ZNF790: variants seen among roughly 807,000 people sequenced by gnomAD.
ZNF790 encodes the protein zinc finger protein 790.
In ZNF790, 8 loss-of-function variants were observed where a neutral mutation model predicts 12.1. That is an observed-to-expected ratio of 0.66 (90% CI 0.39 to 1.19). ZNF790 has a LOEUF of 1.19. Among genes scored for constraint, ZNF790 ranks in the 50% most tolerant of loss-of-function variants. The probability of loss-of-function intolerance (pLI) is 0.01; values close to 1 mark genes in which losing one functional copy is unlikely to be tolerated. For missense variants in ZNF790, 707 were observed against 752.2 expected, an observed-to-expected ratio of 0.94 and a Z score of 0.70; for synonymous variants, 252 against 244.3, an observed-to-expected ratio of 1.03 and a Z score of -0.29.
At position 36,819,368 on chromosome 19, in the gene ZNF790, TA is replaced by T. The variant is rs755700631; in HGVS notation, c.975del (p.Ile326LeufsTer28). On this transcript the variant is annotated frameshift_variant, in exon 5 of 5. Transcript: ENST00000356725. LOFTEE classifies it low-confidence loss of function (END_TRUNC). ...CRKAFSQRSHLIKHQRIHTGE... is the reference protein window; with the variant it reads ...CRKAFSQRSHXIKHQRIHTGE... ...CCAGTGTGAATTCTCTGATGTTTAA[TA>T]AGATGTGATCGCTGACTAAAGGCCT... is the stretch of plus-strand genomic sequence containing the variant. 3.1e-6 allele frequency: 5 copies of T among 1,613,108 alleles called. No homozygotes were observed. The African/African-American group carries it at 6.7e-5, about 22-fold the overall frequency.
At chr19:36,820,221 T>G (rs550650504) in intron 4 of ZNF790, 107 bp from the exon 5 acceptor site, 7 of 1,197,852 alleles carry the variant, frequency 5.8e-6, no homozygotes, top group Non-Finnish European at 7.9e-6. Context: ...GAGAAGTGAA[T>G]GGCTTAGAAA....
chr19:36,821,440 A>G (rs1159995365), intron 4 of ZNF790, among the ~76,000 whole-genome samples: 7 of 152,132 alleles, frequency 4.6e-5, no homozygotes, highest in African/African-American at 1.7e-4. Context: ...GTTTGTTGCA[A>G]GGATTGGGAA....
intron 4 of ZNF790, among the ~76,000 whole-genome samples, chr19:36,821,623 G>A (rs1369583708): frequency 2.0e-5 from 3 of 151,926 alleles, no homozygotes; most frequent in South Asian, 4.2e-4. Flanking sequence ...TCACTCTGTC[G>A]CCCAGGTTGG....
At chr19:36,824,718 C>A (rs970950739) in intron 2 of ZNF790, among the ~76,000 whole-genome samples, 24 of 151,592 alleles carry the variant, frequency 1.6e-4, no homozygotes, top group African/African-American at 5.6e-4. Context: ...TGAGAGGCTA[C>A]ACCAGCCTGG....
intron 1 of ZNF790, among the ~76,000 whole-genome samples, chr19:36,833,933 A>G (rs1384616497): frequency 6.6e-6 from 1 of 152,170 alleles, no homozygotes; most frequent in Non-Finnish European, 1.5e-5. Context: ...TTAAAAAGCA[A>G]TTTTTGTTCA....
At chr19:36,837,045 C>G (rs2072061422) in intron 1 of ZNF790, among the ~76,000 whole-genome samples, 4 of 152,160 alleles carry the variant, frequency 2.6e-5, no homozygotes, top group African/African-American at 9.7e-5. Flanking sequence ...CTATCCCACG[C>G]TATCTCTCCA....
intron 1 of ZNF790, among the ~76,000 whole-genome samples, chr19:36,848,941 ACAC>A (rs1350876997): frequency 3.9e-5 from 6 of 152,016 alleles, no homozygotes; most frequent in African/African-American, 1.4e-4. Flanking sequence ...TTACAGGTGC[ACAC>A]CACCACGCCC....
chr19:36,823,944 G>T, intron 2 of ZNF790, 154 bp from the exon 3 acceptor site: 1 of 548,018 alleles, frequency 1.8e-6, no homozygotes. Flanking sequence ...TGGTTTCAGG[G>T]GAAATGACAT....
At chr19:36,820,597 A>G (rs1342907369) in intron 4 of ZNF790, among the ~76,000 whole-genome samples, 2 of 152,188 alleles carry the variant, frequency 1.3e-5, no homozygotes, top group African/African-American at 4.8e-5. Context: ...TATGGGTGAT[A>G]GTTCAGACAG....
intron 4 of ZNF790, among the ~76,000 whole-genome samples, chr19:36,821,720 A>G (rs1339814778): frequency 6.6e-6 from 1 of 152,030 alleles, no homozygotes; most frequent in African/African-American, 2.4e-5. Flanking sequence ...AGTAGCTGGG[A>G]TTACAGGCGC....
Position 36,819,839 on chromosome 19 carries a change from G to C in ZNF790, c.505C>G (p.Leu169Val). ...TTCCCCAGTTCTTTAAATTCATTCAGTTTGTCTCCTGTATTAAGTCTCTGG... is the reference window on the plus strand; with the variant it reads ...TTCCCCAGTTCTTTAAATTCATTCACTTTGTCTCCTGTATTAAGTCTCTGG... ...LHQRLNTGDK[L>V]NEFKELGKAF... is the part of the protein sequence containing the mutation. The change falls in exon 5 of 5, where the codon CTG (leucine) becomes GTG (valine). Residue 169 changes from leucine to valine, a missense_variant. By Grantham distance (32) the Leu-to-Val change is conservative (BLOSUM62 1). Transcript: ENST00000356725. 6.2e-7 allele frequency: 1 copy of C among 1,613,946 alleles called. No individual in the cohort carries two copies. Among genetic ancestry groups the C allele is most frequent in the Non-Finnish European group, 8.5e-7 (1 of 1,179,876 alleles).
intron 1 of ZNF790, among the ~76,000 whole-genome samples, chr19:36,833,659 C>T (rs1055939074): frequency 1.3e-5 from 2 of 152,016 alleles, no homozygotes; most frequent in African/African-American, 2.4e-5. Context: ...TATCAAGACA[C>T]CATAGATTTC....
intron 1 of ZNF790, among the ~76,000 whole-genome samples, chr19:36,835,202 T>C (rs972964049): frequency 6.6e-6 from 1 of 152,082 alleles, no homozygotes; most frequent in African/African-American, 2.4e-5. Context: ...GGCAGGAGAA[T>C]TGCTTGAACC....
chr19:36,832,036 C>T (rs73607678), intron 1 of ZNF790, among the ~76,000 whole-genome samples: 1 of 152,022 alleles, frequency 6.6e-6, no homozygotes, highest in Non-Finnish European at 1.5e-5. Flanking sequence ...GTGAAAAAAA[C>T]AAATGAGGGA....
rs1168191059 is a variant in ZNF790, at chr19:36,817,548, A to G, written c.*885T>C. 2 of 152,136 alleles carry G rather than the reference A, an allele frequency of 1.3e-5. No homozygotes were observed. Among genetic ancestry groups the G allele is most frequent in the Non-Finnish European group, 2.9e-5 (2 of 68,020 alleles). 9.4% of individuals were successfully genotyped at this position (152,136 alleles called of 1,614,324 possible). On this transcript the variant is annotated 3_prime_UTR_variant, in exon 5 of 5. Transcript: ENST00000356725. ...TAGTCTTAAAAGTCCTCCTCTCATA[A>G]AATGGCTTAATACCAATACAAATGA...
Position 36,823,188 on chromosome 19 carries a change from T to A in ZNF790, c.229+97A>T, listed in dbSNP as rs1025193316. The A allele has an allele frequency of 1.7e-5, 20 of 1,143,360 alleles. 1 individual carries two copies. In the Middle Eastern group the frequency reaches 8.1e-4, roughly 46 times the overall value. 70.8% of individuals were successfully genotyped at this position (1,143,360 alleles called of 1,614,324 possible). A position where few individuals can be genotyped will look rare whatever the true frequency, so the allele number is the denominator to read the frequency against. Reference sequence around the variant, plus strand: ...CCCATTTTTTGGTCTTAAGGGGATATTCCAGACCAATATTTCAGAGGTGTT... The same window carrying A: ...CCCATTTTTTGGTCTTAAGGGGATAATCCAGACCAATATTTCAGAGGTGTT... On this transcript the variant is annotated intron_variant, in intron 4 of 4. Transcript: ENST00000356725.
rs777787445 is a variant in ZNF790, at chr19:36,830,419, A to T, written c.-73-4727T>A. Among the ~76,000 whole-genome samples the T allele has an allele frequency of 5.7e-4, 86 of 152,158 alleles. 1 individual carries two copies. The highest frequency in any genetic ancestry group is 2.0e-4 in the Admixed American group (3 of 15,274). On this transcript the variant is annotated intron_variant, in intron 1 of 4. Transcript: ENST00000356725. ...AGTCATGTTATATAATTCATTTTAG[A>T]TGTTACTGGATTTGGTTTGCTACTA...
chr19:36,819,819 C>G lies in ZNF790; in HGVS notation c.525G>C (p.Leu175=). 1.2e-6 allele frequency: 2 copies of G among 1,613,360 alleles called. No individual in the cohort carries two copies. Among genetic ancestry groups the G allele is most frequent in the Non-Finnish European group, 1.7e-6 (2 of 1,179,548 alleles). Residue 175 remains leucine, a synonymous_variant, in exon 5 of 5, where the codon CTG becomes CTC. Coordinates refer to ENST00000356725, the MANE Select transcript of ZNF790 (RefSeq NM_206894.4). The part of the protein sequence containing the change: ...TGDKLNEFKE[L]GKAFISGSDH... The stretch of plus-strand genomic sequence containing the variant: ...CTGAACCAGAAATAAAGGCTTTCCC[C>G]AGTTCTTTAAATTCATTCAGTTTGT...
chr19:36,824,508 A>G (rs909805635), intron 2 of ZNF790, among the ~76,000 whole-genome samples: 14 of 151,654 alleles, frequency 9.2e-5, no homozygotes, highest in Non-Finnish European at 1.9e-4. Context: ...GGGTTTCGCA[A>G]TGTTGGCCAG....
Sources: allele counts gnomAD v4.1 joint callset (sites outside exome capture counted in the v4.1 genomes callset), GRCh38; gene constraint gnomAD v4.1.1; transcripts MANE v1.5; gene names NCBI Gene and HGNC (gene_info 2026-07-23, HGNC 2026-07-21).